The following SFTPC variants were observed in gnomAD, a reference collection of about 807,000 sequenced individuals.
The protein encoded by SFTPC is BRICHOS domain containing 6.
SFTPC carries 12 observed loss-of-function variants against 19.9 expected under a neutral mutation model. The ratio of observed to expected loss-of-function variants is 0.60; its 90% CI spans 0.39 to 0.98. SFTPC has a LOEUF of 0.98. Among genes scored for constraint, SFTPC ranks in the 50% least tolerant of loss-of-function variants. The pLI is 0.00. For synonymous variants in SFTPC, 123 were observed against 103.3 expected, an observed-to-expected ratio of 1.19 and a Z score of -1.16; for missense variants, 219 against 252.2, an observed-to-expected ratio of 0.87 and a Z score of 0.89.
chr8:22,162,461 G>A (rs561437067), intron 1 of SFTPC, 113 bp from the exon 2 acceptor site: 149 of 1,170,710 alleles, frequency 1.3e-4, no homozygotes, highest in Non-Finnish European at 1.8e-4. Flanking sequence ...TCCATCCATC[G>A]CATCGGCTGT....
rs1254671649 is a variant in SFTPC, at chr8:22,164,432, C to G, written c.*185C>G. ...TGGGCAGAGGTGGCGCCCAGGGGCC[C>G]GGGAACTCCTGCCACAACAGAATAA... On this transcript the variant is annotated 3_prime_UTR_variant, in exon 6 of 6. Coordinates refer to ENST00000679463, the MANE Select transcript of SFTPC (RefSeq NM_001317778.2). 7 of 1,487,084 alleles carry G rather than the reference C, an allele frequency of 4.7e-6. No individual in the cohort carries two copies. The Admixed American group carries it at 7.3e-5, about 15-fold the overall frequency. The allele number at this position is 1,487,084 out of a possible 1,614,324, so 92.1% of individuals were successfully genotyped here. A position where few individuals can be genotyped will look rare whatever the true frequency, so the allele number is the denominator to read the frequency against.
Position 22,163,444 on chromosome 8 carries a change from C to T in SFTPC, c.333C>T (p.Ile111=), listed in dbSNP as rs764179769. Residue 111 remains isoleucine, a synonymous_variant, in exon 4 of 6, where the codon ATC becomes ATT. Transcript: ENST00000679463. ...LVVYDYQQLL[I]AYKPAPGTCC... is the part of the protein sequence containing the mutation. ...CAGCATTCTGTGCCTAGCTGCTGAT[C>T]GCCTACAAGCCAGCCCCTGGCACCT... 13 of 1,613,552 alleles carry T rather than the reference C, an allele frequency of 8.1e-6. No individual in the cohort carries two copies. Among genetic ancestry groups the T allele is most frequent in the East Asian group, 2.2e-5 (1 of 44,878 alleles).
intron 4 of SFTPC, 49 bp downstream of exon 4, chr8:22,163,595 C>T: frequency 1.5e-6 from 2 of 1,319,074 alleles, no homozygotes; most frequent in Non-Finnish European, 2.2e-6. Context: ...CCCAGGGCTG[C>T]TGGGAGGAGT....
chr8:22,164,252 C>G lies in SFTPC; in HGVS notation c.*19-14C>G. 1.3e-6 allele frequency: 2 copies of G among 1,536,162 alleles called. No homozygotes were observed. Among genetic ancestry groups the G allele is most frequent in the African/African-American group, 1.4e-5 (1 of 73,176 alleles). On this transcript the variant is annotated splice_polypyrimidine_tract_variant and intron_variant, in intron 5 of 5. Coordinates refer to ENST00000679463, the MANE Select transcript of SFTPC (RefSeq NM_001317778.2). ...ATTCTCTCTGTCCATCCTCAACATT[C>G]CTTTGCTTCACAGGGTCAGTGGAAG... is the stretch of plus-strand genomic sequence containing the variant.
chr8:22,158,225 G>A (rs1446035370), upstream of SFTPC, among the ~76,000 whole-genome samples: 8 of 152,298 alleles, frequency 5.3e-5, no homozygotes, highest in Admixed American at 5.2e-4. Context: ...GGGATTCTCT[G>A]GTCTGAGCTT....
rs1586425416 is a variant in SFTPC at position 22,164,402 on chromosome 8, G to A, written c.*155G>A. The A allele has an allele frequency of 2.6e-6, 4 of 1,528,756 alleles. No individual in the cohort carries two copies. In the East Asian group the frequency reaches 7.3e-5, roughly 28 times the overall value. The allele number at this position is 1,528,756 out of a possible 1,614,324, so 94.7% of individuals were successfully genotyped here. On this transcript the variant is annotated 3_prime_UTR_variant, in exon 6 of 6. Coordinates refer to ENST00000679463, the MANE Select transcript of SFTPC (RefSeq NM_001317778.2). ...AGAAATGGGAGCTTGGGGAGAGGAT[G>A]GGAGTGGGCAGAGGTGGCGCCCAGG...
At chr8:22,163,788 A>T (rs1827885693) in intron 4 of SFTPC, 113 bp from the exon 5 acceptor site, 3 of 1,050,666 alleles carry the variant, frequency 2.9e-6, no homozygotes, top group Non-Finnish European at 4.4e-6. Context: ...CTCTTTACTG[A>T]TGAGAAAACT....
chr8:22,158,653 C>T (rs1410867006), upstream of SFTPC: 2 of 152,218 alleles, frequency 1.3e-5, no homozygotes, highest in Admixed American at 6.5e-5. Context: ...ACCCATGATG[C>T]TATTAGGTCC....
upstream of SFTPC, chr8:22,159,853 C>A (rs548450924): frequency 1.7e-4 from 225 of 1,289,016 alleles, 1 homozygote; most frequent in South Asian, 2.7e-3. Context: ...AGGCCCAGTA[C>A]TCGTGAGTCA....
chr8:22,163,988 C>T lies in SFTPC; in HGVS notation c.523C>T (p.Leu175=), dbSNP rs201685063. The change falls in exon 5 of 6, where the codon CTG becomes TTG. Residue 175 remains leucine, a synonymous_variant. Coordinates refer to ENST00000679463, the MANE Select transcript of SFTPC (RefSeq NM_001317778.2). The part of the protein sequence containing the change: ...SAPSGGDPAF[L]GMAVSTLCGE... ...ACCCTCCGGAGGGGACCCGGCCTTC[C>T]TGGGCATGGCCGTGAGCACCCTGTG... 6.2e-7 allele frequency: 1 copy of T among 1,612,686 alleles called. No individual in the cohort carries two copies. The highest frequency in any genetic ancestry group is 2.2e-5 in the East Asian group (1 of 44,892).
At position 22,162,376 on chromosome 8, in the gene SFTPC, A is replaced by G. The variant is rs78196704; in HGVS notation, c.43-198A>G. On this transcript the variant is annotated intron_variant, in intron 1 of 5. Coordinates refer to ENST00000679463, the MANE Select transcript of SFTPC (RefSeq NM_001317778.2). ...AACTAGACCCTGCTTCTAAGCTTCT[A>G]TGTGTCTATGGGTTTGTTAGAATCC... Among the ~76,000 whole-genome samples, 347 of 152,198 alleles carry G rather than the reference A, an allele frequency of 2.3e-3. 2 individuals carry two copies. The highest frequency in any genetic ancestry group is 8.0e-3 in the African/African-American group (331 of 41,506).
upstream of SFTPC, among the ~76,000 whole-genome samples, chr8:22,160,719 AC>A (rs1827682263): frequency 6.6e-6 from 1 of 152,158 alleles, no homozygotes; most frequent in Admixed American, 6.5e-5. Flanking sequence ...GACTTTAGAG[AC>A]CACCTGGCCC....
At chr8:22,158,315 C>A (rs906191953), upstream of SFTPC, among the ~76,000 whole-genome samples, 21 of 152,204 alleles carry the variant, frequency 1.4e-4, no homozygotes, top group African/African-American at 4.8e-4. Context: ...CCTCCCCATG[C>A]CAGCTTGGGG....
Position 22,162,661 on chromosome 8 carries a change from G to C in SFTPC, c.130G>C (p.Val44Leu). Residue 44 changes from valine to leucine, a missense_variant, in exon 2 of 6, where the codon GTC (valine) becomes CTC (leucine). Coordinates refer to ENST00000679463, the MANE Select transcript of SFTPC (RefSeq NM_001317778.2). ...KRLLIVVVVV[V>L]LIVVVIVGAL... Reference sequence around the variant, plus strand: ...CCTTCTTATCGTGGTGGTGGTGGTGGTCCTCATCGTCGTGGTGATTGTGGG... The same window carrying C: ...CCTTCTTATCGTGGTGGTGGTGGTGCTCCTCATCGTCGTGGTGATTGTGGG... 2 of 1,614,204 alleles carry C rather than the reference G, an allele frequency of 1.2e-6. No individual in the cohort carries two copies. Among genetic ancestry groups the C allele is most frequent in the Non-Finnish European group, 1.7e-6 (2 of 1,180,032 alleles).
chr8:22,159,852 A>G (rs1827643686), upstream of SFTPC: 1 of 1,288,392 alleles, frequency 7.8e-7, no homozygotes, highest in African/African-American at 1.5e-5. Context: ...CAGGCCCAGT[A>G]CTCGTGAGTC....
chr8:22,163,220 T>C lies in SFTPC; in HGVS notation c.324+18T>C. On this transcript the variant is annotated intron_variant, in intron 3 of 5. Transcript: ENST00000679463. ...ACCAGCAGGTGGGTATGCCCAGACC[T>C]CCTGACCCTGGGACCAATGACAAGG... is the stretch of plus-strand genomic sequence containing the variant. 2 of 1,614,046 alleles carry C rather than the reference T, an allele frequency of 1.2e-6. No individual in the cohort carries two copies. Among genetic ancestry groups the C allele is most frequent in the Non-Finnish European group, 1.7e-6 (2 of 1,179,986 alleles).
At position 22,164,299 on chromosome 8, in the gene SFTPC, C is replaced by T; in HGVS notation, c.*52C>T. 6.5e-7 allele frequency: 1 copy of T among 1,536,184 alleles called. No homozygotes were observed. Among genetic ancestry groups the T allele is most frequent in the Non-Finnish European group, 8.7e-7 (1 of 1,146,918 alleles). ...GAAGCCCCAACGGGAAAGGAAACGC[C>T]CCGGGCAAAGGGTCTTTTGCAGCTT... is the stretch of plus-strand genomic sequence containing the variant. On this transcript the variant is annotated 3_prime_UTR_variant, in exon 6 of 6. Transcript: ENST00000679463.
In SFTPC at chr8:22,163,962, C is replaced by T; in HGVS notation, c.497C>T (p.Ala166Val). The change falls in exon 5 of 6, where the codon GCA becomes GTA. Residue 166 changes from alanine (A) to valine (V), a missense_variant. By Grantham distance (64) the Ala-to-Val change is moderately conservative. Coordinates refer to ENST00000679463, the MANE Select transcript of SFTPC (RefSeq NM_001317778.2). Reference protein sequence around the residue: ...GQAEGRDAGSAPSGGDPAFLG... With the variant: ...GQAEGRDAGSVPSGGDPAFLG... ...GCAGAGGGGCGAGATGCAGGCTCAG[C>T]ACCCTCCGGAGGGGACCCGGCCTTC... 2.5e-6 allele frequency: 4 copies of T among 1,613,374 alleles called. No individual in the cohort carries two copies. Among genetic ancestry groups the T allele is most frequent in the Non-Finnish European group, 2.5e-6 (3 of 1,180,038 alleles).
rs1014644341 is a variant in SFTPC, at chr8:22,163,491, C to G, written c.380C>G (p.Ala127Gly). Residue 127 changes from alanine to glycine, a missense_variant, in exon 4 of 6, where the codon GCT (alanine) becomes GGT (glycine). By Grantham distance (60) the Ala-to-Gly change is moderately conservative. Coordinates refer to ENST00000679463, the MANE Select transcript of SFTPC (RefSeq NM_001317778.2). ...PGTCCYIMKIAPESIPSLEAL... is the reference protein window; with the variant it reads ...PGTCCYIMKIGPESIPSLEAL... The stretch of plus-strand genomic sequence containing the variant: ...ACCTGCTGCTACATCATGAAGATAG[C>G]TCCAGAGAGCATCCCCAGTCTTGAG... 6.2e-7 allele frequency: 1 copy of G among 1,614,064 alleles called. No homozygotes were observed. Among genetic ancestry groups the G allele is most frequent in the Admixed American group, 1.7e-5 (1 of 60,032 alleles).
Sources: allele counts gnomAD v4.1 joint callset (sites outside exome capture counted in the v4.1 genomes callset), GRCh38; gene constraint gnomAD v4.1.1; transcripts MANE v1.5; gene names NCBI Gene and HGNC (gene_info 2026-07-23, HGNC 2026-07-21).